CEP192: variants seen among roughly 807,000 people sequenced by gnomAD.
CEP192 encodes the protein centrosomal protein of 192 kDa.
In CEP192, 151 loss-of-function variants were observed where a neutral mutation model predicts 271.8. That is an observed-to-expected ratio of 0.56 (90% CI 0.49 to 0.64). CEP192 has a LOEUF of 0.64. Among genes scored for constraint, CEP192 ranks in the 30% least tolerant of loss-of-function variants. CEP192 has a pLI of 0.00. For missense variants in CEP192, 2,910 were observed against 3,020.5 expected, an observed-to-expected ratio of 0.96 and a Z score of 0.86; for synonymous variants, 995 against 1,076.5, an observed-to-expected ratio of 0.92 and a Z score of 1.48.
Position 13,001,457 on chromosome 18 carries a change from G to T in CEP192, c.165G>T (p.Arg55Ser). ...ATTAAAACAAATTTTTTTTGTATAG[G>T]TATCCTGATATCCAGGCATCTTACT... ...LARDRSSTDN[R>S]YPDIQASYLV... Residue 55 changes from arginine to serine, a missense_variant and splice_region_variant, in exon 3 of 45, where the codon AGG becomes AGT. Coordinates refer to ENST00000506447, the MANE Select transcript of CEP192 (RefSeq NM_032142.4). 1 of 1,532,782 alleles carries T rather than the reference G, an allele frequency of 6.5e-7. No homozygotes were observed. Among genetic ancestry groups the T allele is most frequent in the Non-Finnish European group, 8.8e-7 (1 of 1,135,928 alleles). 94.9% of individuals were successfully genotyped at this position (1,532,782 alleles called of 1,614,324 possible). A position where few individuals can be genotyped will look rare whatever the true frequency, so the allele number is the denominator to read the frequency against.
At chr18:12,993,640 G>A (rs1052417554) in intron 1 of CEP192, among the ~76,000 whole-genome samples, 3 of 152,156 alleles carry the variant, frequency 2.0e-5, no homozygotes, top group African/African-American at 7.2e-5. Context: ...TGCACCACCA[G>A]GAGGTGGAAT....
intron 4 of CEP192, among the ~76,000 whole-genome samples, chr18:13,010,724 T>C (rs1003464749): frequency 6.6e-6 from 1 of 152,074 alleles, no homozygotes; most frequent in Non-Finnish European, 1.5e-5. Context: ...CACATGCCTT[T>C]AATCCCAGCT....
At position 13,117,655 on chromosome 18, in the gene CEP192, G is replaced by T; in HGVS notation, c.7475+12G>T. ...AAGTACTCTTTGAGGTAAGTTTATCGCAGATCACAGTGTTCTCATCAGCGA... is the reference window on the plus strand; with the variant it reads ...AAGTACTCTTTGAGGTAAGTTTATCTCAGATCACAGTGTTCTCATCAGCGA... On this transcript the variant is annotated intron_variant, in intron 44 of 44. Coordinates refer to ENST00000506447, the MANE Select transcript of CEP192 (RefSeq NM_032142.4). 6.2e-7 allele frequency: 1 copy of T among 1,604,604 alleles called. No individual in the cohort carries two copies. Among genetic ancestry groups the T allele is most frequent in the Non-Finnish European group, 8.5e-7 (1 of 1,171,728 alleles).
intron 11 of CEP192, among the ~76,000 whole-genome samples, chr18:13,035,806 TCTC>T (rs1230664757): frequency 6.6e-6 from 1 of 152,210 alleles, no homozygotes; most frequent in Non-Finnish European, 1.5e-5. Flanking sequence ...GCTTCATGGT[TCTC>T]CTGATGCTCA....
intron 12 of CEP192, 50 bp from the exon 13 acceptor site, chr18:13,038,320 G>A: frequency 6.9e-7 from 1 of 1,439,116 alleles, no homozygotes; most frequent in Non-Finnish European, 9.6e-7. Context: ...TAGAACAACA[G>A]AAAAGTGACT....
chr18:13,111,405 G>T (rs143411712), intron 40 of CEP192, among the ~76,000 whole-genome samples: 2 of 152,140 alleles, frequency 1.3e-5, no homozygotes, highest in Non-Finnish European at 2.9e-5. Flanking sequence ...GATTGCAGGC[G>T]TGAGCCACCG....
At position 12,996,790 on chromosome 18, in the gene CEP192, A is replaced by G. The variant is rs754995401; in HGVS notation, c.-4-2631A>G. ...CTGAATGTTAGGCTACAGAAGAAGG[A>G]CCGGAGGTAGATTATAGTATGCTAC... On this transcript the variant is annotated intron_variant, in intron 1 of 44. Transcript: ENST00000506447. 4.4e-4 allele frequency among the ~76,000 whole-genome samples: 67 copies of G among 152,290 alleles called. 1 individual carries two copies. Among genetic ancestry groups the G allele is most frequent in the South Asian group, 1.0e-3 (5 of 4,832 alleles).
intron 21 of CEP192, among the ~76,000 whole-genome samples, chr18:13,060,546 A>T (rs1329797944): frequency 6.6e-6 from 1 of 152,208 alleles, no homozygotes; most frequent in African/African-American, 2.4e-5. Context: ...TTCCATCTCC[A>T]TTATAATCTT....
chr18:13,018,605 A>C lies in CEP192; in HGVS notation c.915A>C (p.Leu305=). 3.3e-6 allele frequency: 5 copies of C among 1,527,620 alleles called. No homozygotes were observed. In the African/African-American group the frequency reaches 6.9e-5, roughly 21 times the overall value. 94.6% of individuals were successfully genotyped at this position (1,527,620 alleles called of 1,614,324 possible). The part of the protein sequence containing the change: ...KESEESQVIC[L]PGTSNSIGTG... ...CTGAGGAAAGCCAAGTTATTTGTCTACCTGGGACTAGTAAGTATAGAAATA... is the reference window on the plus strand; with the variant it reads ...CTGAGGAAAGCCAAGTTATTTGTCTCCCTGGGACTAGTAAGTATAGAAATA... The change falls in exon 8 of 45, where the codon CTA becomes CTC. Residue 305 remains leucine (L), a synonymous_variant. Coordinates refer to ENST00000506447, the MANE Select transcript of CEP192 (RefSeq NM_032142.4).
rs1568347745 is a variant in CEP192 at position 13,056,350 on chromosome 18, C to G, written c.3760C>G (p.Pro1254Ala). ...TGCTGTGCACGCACTCTTGACACAA[C>G]CCTCTCTCAGCGCTGCTCCTTTTGC... ...PAAVHALLTQPSLSAAPFAQR... is the reference protein window; with the variant it reads ...PAAVHALLTQASLSAAPFAQR... The change falls in exon 19 of 45, where the codon CCC becomes GCC. Residue 1254 changes from proline to alanine, a missense_variant. Transcript: ENST00000506447. The G allele has an allele frequency of 1.2e-6, 2 of 1,614,232 alleles. No homozygotes were observed. Among genetic ancestry groups the G allele is most frequent in the Admixed American group, 1.7e-5 (1 of 60,020 alleles).
chr18:12,999,073 A>G (rs1397327556), intron 1 of CEP192, among the ~76,000 whole-genome samples: 1 of 152,216 alleles, frequency 6.6e-6, no homozygotes, highest in African/African-American at 2.4e-5. Flanking sequence ...AATCATTTGT[A>G]TATACCATCA....
Position 13,023,641 on chromosome 18 carries a change from G to A in CEP192, c.1050+4435G>A, listed in dbSNP as rs577410107. On this transcript the variant is annotated intron_variant, in intron 9 of 44. Coordinates refer to ENST00000506447, the MANE Select transcript of CEP192 (RefSeq NM_032142.4). ...ATTTGATTTGATTTTCTAATATTCT[G>A]TAGAGGAGCTTTGAATCTGTGTTTA... is the stretch of plus-strand genomic sequence containing the variant. 4.6e-5 allele frequency among the ~76,000 whole-genome samples: 7 copies of A among 152,082 alleles called. No homozygotes were observed. In the South Asian group the frequency reaches 1.2e-3, roughly 27 times the overall value.
chr18:13,102,328 C>T (rs1006659316), intron 38 of CEP192, among the ~76,000 whole-genome samples: 13 of 152,064 alleles, frequency 8.5e-5, no homozygotes, highest in Non-Finnish European at 1.9e-4. Flanking sequence ...TCTCGCCTCT[C>T]GGGGGGCTTC....
chr18:13,000,091 C>CTCTCTTTTTTTTTTTTTTTTTTTTT, intron 2 of CEP192, among the ~76,000 whole-genome samples: 1 of 76,750 alleles, frequency 1.3e-5, no homozygotes, highest in Non-Finnish European at 2.7e-5. Flanking sequence ...TGTCTTCTCT[C>CTCTCTTTTTTTTTTTTTTTTTTTTT]TTTTTTTTTT....
chr18:13,043,049 G>A (rs1240456191), intron 15 of CEP192, among the ~76,000 whole-genome samples: 2 of 152,156 alleles, frequency 1.3e-5, no homozygotes, highest in Admixed American at 6.5e-5. Flanking sequence ...TCCTGTCACC[G>A]CATGTCCTCG....
At position 13,087,197 on chromosome 18, in the gene CEP192, T is replaced by C. The variant is rs2038936856; in HGVS notation, c.5797T>C (p.Ser1933Pro). 1 of 1,613,764 alleles carries C rather than the reference T, an allele frequency of 6.2e-7. No individual in the cohort carries two copies. Among genetic ancestry groups the C allele is most frequent in the Non-Finnish European group, 8.5e-7 (1 of 1,179,796 alleles). ...AFVKAVGFKD[S>P]QKKVLLDPKV... ...TGTTAAAGCAGTAGGTTTTAAGGAT[T>C]CTCAGAAAAAAGTTTTGCTGGATCC... The change falls in exon 31 of 45, where the codon TCT (serine) becomes CCT (proline). Residue 1933 changes from serine (S) to proline (P), a missense_variant. Ser to Pro is a moderately conservative substitution (Grantham distance 74, BLOSUM62 -1). Coordinates refer to ENST00000506447, the MANE Select transcript of CEP192 (RefSeq NM_032142.4).
chr18:13,015,501 ATTC>A (rs763849718), intron 6 of CEP192, 53 bp downstream of exon 6: 52 of 1,530,726 alleles, frequency 3.4e-5, no homozygotes, highest in Non-Finnish European at 4.4e-5. Context: ...ACTCCACTTT[ATTC>A]TTCTTTGTTG....
intron 4 of CEP192, among the ~76,000 whole-genome samples, chr18:13,012,663 G>A (rs2034432385): frequency 6.6e-6 from 1 of 151,938 alleles, no homozygotes; most frequent in Admixed American, 6.6e-5. Flanking sequence ...CCACTATTTG[G>A]GTTTGTCCCT....
intron 17 of CEP192, among the ~76,000 whole-genome samples, chr18:13,051,846 T>C (rs2144045534): frequency 6.6e-6 from 1 of 152,302 alleles, no homozygotes; most frequent in Non-Finnish European, 1.5e-5. Flanking sequence ...CCCAGCCAAT[T>C]TGGGACTTTT....
Sources: allele counts gnomAD v4.1 joint callset (sites outside exome capture counted in the v4.1 genomes callset), GRCh38; gene constraint gnomAD v4.1.1; transcripts MANE v1.5; gene names NCBI Gene and HGNC (gene_info 2026-07-23, HGNC 2026-07-21).